The following AGBL1 variants were observed in gnomAD, a reference collection of about 807,000 sequenced individuals.
AGBL1 encodes cytosolic carboxypeptidase 4.
Under a neutral mutation model 118.9 loss-of-function variants are expected in AGBL1, and 130 were observed. The observed-to-expected ratio is 1.09, with a 90% CI of 0.95 to 1.26. AGBL1 has a LOEUF of 1.26. Among genes scored for constraint, AGBL1 ranks in the 50% most tolerant of loss-of-function variants. The probability of loss-of-function intolerance (pLI) is 0.00; values close to 1 mark genes in which losing one functional copy is unlikely to be tolerated. For synonymous variants in AGBL1, 555 were observed against 478.9 expected (o/e 1.16, Z -2.08); for missense variants, 1,584 against 1,298.1 (o/e 1.22, Z -3.38).
At chr15:86,852,635 C>A (rs949621633) in intron 22 of AGBL1, among the ~76,000 whole-genome samples, 1 of 152,174 alleles carries the variant, frequency 6.6e-6, no homozygotes, top group African/African-American at 2.4e-5. Context: ...TTGAGGGGTT[C>A]TAAATGCCCC....
intron 23 of AGBL1, among the ~76,000 whole-genome samples, chr15:86,958,269 G>A (rs1221493544): frequency 1.3e-5 from 2 of 150,996 alleles, no homozygotes; most frequent in Non-Finnish European, 3.0e-5. Context: ...CCTTTGCATT[G>A]TATTAATGGA....
intron 19 of AGBL1, among the ~76,000 whole-genome samples, chr15:86,543,784 A>G (rs1196767153): frequency 6.6e-6 from 1 of 152,260 alleles, no homozygotes; most frequent in African/African-American, 2.4e-5. Context: ...AAAGCATTAC[A>G]GAATTGTTAT....
chr15:86,430,451 C>T (rs549709458), intron 18 of AGBL1, among the ~76,000 whole-genome samples: 33 of 150,066 alleles, frequency 2.2e-4, no homozygotes, highest in Middle Eastern at 3.4e-3. Flanking sequence ...GCCGAGATCA[C>T]GCCACTGCAC....
intron 5 of AGBL1, among the ~76,000 whole-genome samples, chr15:86,213,148 T>C (rs1381546200): frequency 6.6e-6 from 1 of 152,222 alleles, no homozygotes; most frequent in African/African-American, 2.4e-5. Context: ...AGGAAAGAGT[T>C]CCTCAAAACT....
At chr15:86,750,750 A>T (rs1325901237) in intron 22 of AGBL1, among the ~76,000 whole-genome samples, 1 of 152,040 alleles carries the variant, frequency 6.6e-6, no homozygotes, top group African/African-American at 2.4e-5. Context: ...TATTAAGCCT[A>T]GTACCTCTTA....
intron 22 of AGBL1, among the ~76,000 whole-genome samples, chr15:86,834,665 C>T (rs35821938): frequency 0.19 from 29,172 of 152,068 alleles, 3,610 homozygotes; most frequent in Non-Finnish European, 0.28. Flanking sequence ...CTCTAGGCTG[C>T]GTGTTTTGCC....
At chr15:86,116,853 A>C (rs1370442481) in intron 1 of AGBL1, 1 of 152,068 alleles carries the variant, frequency 6.6e-6, no homozygotes, top group Non-Finnish European at 1.5e-5. Context: ...ATCACAATAA[A>C]TCTCTCTCAC....
At chr15:86,478,333 C>T (rs568982511) in intron 18 of AGBL1, among the ~76,000 whole-genome samples, 5 of 152,186 alleles carry the variant, frequency 3.3e-5, no homozygotes, top group Non-Finnish European at 7.3e-5. Flanking sequence ...TTAGAAAACC[C>T]CATTGTCTCA....
In AGBL1 at chr15:86,682,366, A is replaced by G. The variant is rs2142572514; in HGVS notation, c.3158+7930A>G. ...CAAAAACCTTGTTTCATTAGCTGTT[A>G]AAAGCAAAATCAAATATTTTTGGTA... is the stretch of plus-strand genomic sequence containing the variant. On this transcript the variant is annotated intron_variant, in intron 22 of 22. Transcript: ENST00000614907. Among the ~76,000 whole-genome samples the G allele has an allele frequency of 1.3e-5, 2 of 152,356 alleles. 1 individual carries two copies. The highest frequency in any genetic ancestry group is 4.1e-4 in the South Asian group (2 of 4,830).
intron 22 of AGBL1, among the ~76,000 whole-genome samples, chr15:86,785,148 A>G (rs995720622): frequency 4.6e-5 from 7 of 151,958 alleles, no homozygotes; most frequent in Non-Finnish European, 4.4e-5. Context: ...CTAAGGAGGA[A>G]TAGGAGAAAG....
chr15:86,574,570 A>ATTTTTTTTTTTTTTTTTTTTTTTTTTTT (rs776642678), intron 21 of AGBL1, among the ~76,000 whole-genome samples: 2 of 83,758 alleles, frequency 2.4e-5, no homozygotes, highest in Non-Finnish European at 2.2e-5. Context: ...AAAAGTTTTA[A>ATTTTTTTTTTTTTTTTTTTTTTTTTTTT]TTTTTTTTTT....
At chr15:86,704,297 TAAACTA>T (rs1221121752) in intron 22 of AGBL1, among the ~76,000 whole-genome samples, 2 of 152,076 alleles carry the variant, frequency 1.3e-5, no homozygotes, top group African/African-American at 4.8e-5. Flanking sequence ...GGCATCTAAT[TAAACTA>T]AAAACCTTCT....
rs56385750 is a variant in AGBL1 at position 86,971,597 on chromosome 15, T to C, written c.3222-16390T>C. Among the ~76,000 whole-genome samples, 415 of 152,166 alleles carry C rather than the reference T, an allele frequency of 2.7e-3. 1 individual carries two copies. Among genetic ancestry groups the C allele is most frequent in the African/African-American group, 9.2e-3 (382 of 41,540 alleles). On this transcript the variant is annotated intron_variant, in intron 23 of 24. Transcript: ENST00000441037. Reference sequence around the variant, plus strand: ...GAAAAAATAGGAATAGCTGCTATTCTAGCATCTAATATGTTACTAAGTCAG... The same window carrying C: ...GAAAAAATAGGAATAGCTGCTATTCCAGCATCTAATATGTTACTAAGTCAG...
chr15:86,502,600 T>G (rs2082930382), intron 18 of AGBL1, among the ~76,000 whole-genome samples: 1 of 150,918 alleles, frequency 6.6e-6, no homozygotes, highest in African/African-American at 2.4e-5. Context: ...CTTCTTAGTT[T>G]TTTTTTTTTT....
At chr15:86,887,723 C>G (rs2079990622) in intron 22 of AGBL1, among the ~76,000 whole-genome samples, 1 of 152,038 alleles carries the variant, frequency 6.6e-6, no homozygotes, top group South Asian at 2.1e-4. Flanking sequence ...ATTCTTTTAG[C>G]CGCAGATCAT....
chr15:86,677,336 C>T (rs1377849361), intron 22 of AGBL1, among the ~76,000 whole-genome samples: 1 of 152,168 alleles, frequency 6.6e-6, no homozygotes, highest in African/African-American at 2.4e-5. Flanking sequence ...TCCTCTTCTT[C>T]CCAGTTGCTC....
At chr15:86,280,530 G>A (rs370548451) in intron 16 of AGBL1, among the ~76,000 whole-genome samples, 11 of 152,144 alleles carry the variant, frequency 7.2e-5, no homozygotes, top group South Asian at 6.2e-4. Context: ...CTACCATTTC[G>A]TGGATATCCT....
chr15:86,449,187 G>A (rs1401009432), intron 18 of AGBL1, among the ~76,000 whole-genome samples: 2 of 152,162 alleles, frequency 1.3e-5, no homozygotes, highest in Non-Finnish European at 2.9e-5. Flanking sequence ...GGAGGCAATG[G>A]TAATAACAAC....
intron 5 of AGBL1, among the ~76,000 whole-genome samples, chr15:86,216,309 G>A (rs2078187939): frequency 6.6e-6 from 1 of 151,920 alleles, no homozygotes; most frequent in African/African-American, 2.4e-5. Context: ...TTAAGCAGAG[G>A]TAGCAGAATA....
Sources: gnomAD v4.1 joint callset for allele counts (sites outside exome capture counted in the v4.1 genomes callset) on GRCh38, gnomAD v4.1.1 for gene constraint, MANE v1.5 for transcripts, NCBI Gene and HGNC (gene_info 2026-07-23, HGNC 2026-07-21) for gene names.